Variants in PCDHGA3 observed in about 807,000 individuals in gnomAD.
PCDHGA3 encodes the protein protocadherin gamma subfamily A, 3.
In PCDHGA3, 40 loss-of-function variants were observed where a neutral mutation model predicts 58.5. The observed-to-expected ratio is 0.68, with a 90% CI of 0.53 to 0.89. The LOEUF (loss-of-function observed/expected upper bound fraction) is 0.89. Ranked by LOEUF, PCDHGA3 falls within the 40% of genes least tolerant of loss-of-function variation. The pLI is 0.00. For synonymous variants in PCDHGA3, 530 were observed against 525.7 expected (o/e 1.01, Z -0.11); for missense variants, 1,223 against 1,195.9 (o/e 1.02, Z -0.33).
chr5:141,474,170 T>G (rs535586079), intron 1 of PCDHGA3, among the ~76,000 whole-genome samples: 1 of 152,346 alleles, frequency 6.6e-6, no homozygotes, highest in South Asian at 2.1e-4. Flanking sequence ...GCCTTATTAT[T>G]GAGAAAACTA....
chr5:141,404,171 G>A (rs532466154), intron 1 of PCDHGA3: 1 of 1,612,734 alleles, frequency 6.2e-7, no homozygotes, highest in South Asian at 1.1e-5. Flanking sequence ...ATTGTTGACG[G>A]CCCAAATTCT....
chr5:141,390,183 T>G, intron 1 of PCDHGA3: 2 of 1,614,036 alleles, frequency 1.2e-6, no homozygotes, highest in Non-Finnish European at 1.7e-6. Context: ...TTTCCTAAAA[T>G]GTAGTGAGCA....
At chr5:141,360,672 T>G (rs1209548747) in intron 1 of PCDHGA3, 1 of 1,614,002 alleles carries the variant, frequency 6.2e-7, no homozygotes, top group East Asian at 2.2e-5. Flanking sequence ...AGTACTTTGA[T>G]CTCGCTGAGA....
chr5:141,399,711 A>G (rs1232938340), intron 1 of PCDHGA3: 5 of 1,613,236 alleles, frequency 3.1e-6, no homozygotes, highest in African/African-American at 1.3e-5. Context: ...AACTCACACT[A>G]CAGGCCCGCG....
rs2149732410 is a variant in PCDHGA3, at chr5:141,344,048, G to C, written c.15G>C (p.Leu5=). 2 of 1,558,278 alleles carry C rather than the reference G, an allele frequency of 1.3e-6. No homozygotes were observed. The highest frequency in any genetic ancestry group is 1.7e-6 in the Non-Finnish European group (2 of 1,152,834). Reference sequence around the variant, plus strand: ...CCGAAAAGGAAATGACCAATTGCCTGAGTTTCCGAAATGGCAGAGGACTGG... The same window carrying C: ...CCGAAAAGGAAATGACCAATTGCCTCAGTTTCCGAAATGGCAGAGGACTGG... MTNC[L]SFRNGRGLAL... The change falls in exon 1 of 4, where the codon CTG becomes CTC. Residue 5 remains leucine, a synonymous_variant. Coordinates refer to ENST00000253812, the MANE Select transcript of PCDHGA3 (RefSeq NM_018916.4).
At chr5:141,361,357 G>A (rs1349523966) in intron 1 of PCDHGA3, 1 of 1,613,920 alleles carries the variant, frequency 6.2e-7, no homozygotes, top group Admixed American at 1.7e-5. Flanking sequence ...AGTGACAGAC[G>A]GCGCTCTGGA....
chr5:141,422,831 C>A (rs766457129), intron 1 of PCDHGA3: 11 of 1,614,242 alleles, frequency 6.8e-6, no homozygotes, highest in Non-Finnish European at 6.8e-6. Context: ...AGAGTGATAG[C>A]ACGTGACAGC....
In PCDHGA3 at chr5:141,421,044, C is replaced by A. The variant is rs556562994; in HGVS notation, c.2425-73763C>A. 5.5e-6 allele frequency: 3 copies of A among 548,610 alleles called. No individual in the cohort carries two copies. In the South Asian group the frequency reaches 8.2e-5, roughly 15 times the overall value. The allele number at this position is 548,610 out of a possible 1,614,324, so 34.0% of individuals were successfully genotyped here. A position where few individuals can be genotyped will look rare whatever the true frequency, so the allele number is the denominator to read the frequency against. ...CGCGCCATTGAGTCCCTCCCTCCCCCGCCTCTACCACACAAAGCGGAATGA... is the reference window on the plus strand; with the variant it reads ...CGCGCCATTGAGTCCCTCCCTCCCCAGCCTCTACCACACAAAGCGGAATGA... On this transcript the variant is annotated intron_variant, in intron 1 of 3. Transcript: ENST00000253812.
intron 1 of PCDHGA3, chr5:141,351,301 C>G (rs1403926091): frequency 6.2e-7 from 1 of 1,613,870 alleles, no homozygotes; most frequent in African/African-American, 1.3e-5. Flanking sequence ...CATTCATGTC[C>G]TTCTCTAACC....
At chr5:141,427,707 T>C in intron 1 of PCDHGA3, 1 of 1,011,828 alleles carries the variant, frequency 9.9e-7, no homozygotes, top group Non-Finnish European at 1.5e-6. Context: ...AGTCAGCGCC[T>C]CTGACCTGGA....
rs775489120 is a variant in PCDHGA3 at position 141,418,594 on chromosome 5, C to T, written c.2424+72137C>T. ...ACAACCCCCCAGTGTTCAGCCAGGA[C>T]GTGTACAGGGTTAGCCTTCGGGAAG... On this transcript the variant is annotated intron_variant, in intron 1 of 3. Coordinates refer to ENST00000253812, the MANE Select transcript of PCDHGA3 (RefSeq NM_018916.4). The T allele has an allele frequency of 3.1e-6, 5 of 1,614,022 alleles. No individual in the cohort carries two copies. In the Admixed American group the frequency reaches 8.3e-5, roughly 27 times the overall value.
intron 1 of PCDHGA3, among the ~76,000 whole-genome samples, chr5:141,401,792 T>C (rs1359997438): frequency 6.6e-6 from 1 of 152,212 alleles, no homozygotes; most frequent in Non-Finnish European, 1.5e-5. Context: ...CCTTAGTATG[T>C]GATTCAGTAA....
chr5:141,426,418 T>C (rs1445827088), intron 1 of PCDHGA3: 2 of 288,504 alleles, frequency 6.9e-6, no homozygotes, highest in Non-Finnish European at 1.4e-5. Flanking sequence ...GGTCCAGGGC[T>C]CCGTGGTGGG....
intron 1 of PCDHGA3, chr5:141,352,223 A>G (rs770322900): frequency 1.2e-6 from 2 of 1,614,072 alleles, no homozygotes; most frequent in Non-Finnish European, 1.7e-6. Context: ...CGCCACCGCC[A>G]CGCTGCACCT....
In PCDHGA3 at chr5:141,344,275, G is replaced by A; in HGVS notation, c.242G>A (p.Ser81Asn). 1 of 1,614,110 alleles carries A rather than the reference G, an allele frequency of 6.2e-7. No homozygotes were observed. Among genetic ancestry groups the A allele is most frequent in the South Asian group, 1.1e-5 (1 of 91,090 alleles). The change falls in exon 1 of 4, where the codon AGC becomes AAC. Residue 81 changes from serine to asparagine, a missense_variant. This residue lies in a region of PCDHGA3 where 791 missense variants were observed against 708.5 expected (regional missense o/e 1.12). Transcript: ENST00000253812. Reference sequence around the variant, plus strand: ...CAGCTTTTCTCTCTGAATCCGCAAAGCGGCAGCTTGGTCACCGCGGAGAGG... The same window carrying A: ...CAGCTTTTCTCTCTGAATCCGCAAAACGGCAGCTTGGTCACCGCGGAGAGG... The part of the protein sequence containing the change: ...RTQLFSLNPQ[S>N]GSLVTAERID...
rs777288812 is a variant in PCDHGA3 at position 141,487,236 on chromosome 5, G to A, written c.2425-7571G>A. The A allele has an allele frequency of 1.7e-5, 28 of 1,613,962 alleles. No homozygotes were observed. The highest frequency in any genetic ancestry group is 1.4e-4 in the South Asian group (13 of 91,070). On this transcript the variant is annotated intron_variant, in intron 1 of 3. Coordinates refer to ENST00000253812, the MANE Select transcript of PCDHGA3 (RefSeq NM_018916.4). This position sits in a 1 kb window ranked among gnomAD's most constrained non-coding sequence, Gnocchi z 5.0. ...TCAGCTCCAAGGGAAGGAGAATCTC[G>A]TCTAACCCTCTACTTGGCTGTGTCC... is the stretch of plus-strand genomic sequence containing the variant.
At position 141,351,978 on chromosome 5, in the gene PCDHGA3, T is replaced by C. The variant is rs550902479; in HGVS notation, c.2424+5521T>C. ...CCTGATGGCTCCGCCCTCTTCGATA[T>C]GGTGCCACGCGCCGCAGAGCCCGGC... On this transcript the variant is annotated intron_variant, in intron 1 of 3. Coordinates refer to ENST00000253812, the MANE Select transcript of PCDHGA3 (RefSeq NM_018916.4). 6.2e-6 allele frequency: 10 copies of C among 1,612,196 alleles called. No homozygotes were observed. In the African/African-American group the frequency reaches 1.3e-4, roughly 21 times the overall value.
Position 141,432,016 on chromosome 5 carries a change from C to T in PCDHGA3, c.2425-62791C>T, listed in dbSNP as rs771650925. The T allele has an allele frequency of 1.2e-6, 2 of 1,614,202 alleles. No homozygotes were observed. The highest frequency in any genetic ancestry group is 3.3e-5 in the Admixed American group (2 of 60,030). On this transcript the variant is annotated intron_variant, in intron 1 of 3. Coordinates refer to ENST00000253812, the MANE Select transcript of PCDHGA3 (RefSeq NM_018916.4). This position sits in a 1 kb window ranked among gnomAD's most constrained non-coding sequence, Gnocchi z 6.0. ...ATAGGGAACAGGTTCCTAGCTACAA[C>T]ATCACAGTGACCGCCACTGACCGGG...
chr5:141,410,980 A>G (rs2095454359), intron 1 of PCDHGA3: 1 of 175,670 alleles, frequency 5.7e-6, no homozygotes, highest in South Asian at 1.4e-4. Context: ...CAGCCTCCCA[A>G]GTAGCTGGGA....
Sources: gnomAD v4.1 joint callset for allele counts (sites outside exome capture counted in the v4.1 genomes callset) on GRCh38, gnomAD v4.1.1 for gene constraint, gnomAD v4.1.1 regional missense constraint, Gnocchi (gnomAD v3.1) non-coding constraint, MANE v1.5 for transcripts, NCBI Gene and HGNC (gene_info 2026-07-23, HGNC 2026-07-21) for gene names.